Variants in DENND1B observed in about 807,000 individuals in gnomAD.
The protein encoded by DENND1B is DENN domain-containing protein 1B.
DENND1B carries 59 observed loss-of-function variants against 90.1 expected under a neutral mutation model. The ratio of observed to expected loss-of-function variants is 0.65; its 90% confidence interval spans 0.53 to 0.81. DENND1B has a LOEUF of 0.81. DENND1B is among the 40% of genes least tolerant of loss of function. DENND1B has a pLI of 0.00. For missense variants in DENND1B, 862 were observed against 912.6 expected (o/e 0.94, Z 0.71); for synonymous variants, 337 against 324.6 (o/e 1.04, Z -0.41).
intron 3 of DENND1B, among the ~76,000 whole-genome samples, chr1:197,678,606 T>C (rs1656328663): frequency 6.6e-6 from 1 of 152,174 alleles, no homozygotes; most frequent in South Asian, 2.1e-4. Flanking sequence ...CAGCAAACTC[T>C]CAGGGACACC....
At chr1:197,735,105 G>C in intron 2 of DENND1B, 1 of 968,242 alleles carries the variant, frequency 1.0e-6, no homozygotes, top group Non-Finnish European at 1.2e-6. Context: ...GCAATTTTAA[G>C]AAAATAGATT....
At position 197,512,904 on chromosome 1, in the gene DENND1B, T is replaced by C. The variant is rs747812343; in HGVS notation, c.1565A>G (p.Asp522Gly). 1.9e-6 allele frequency: 3 copies of C among 1,610,754 alleles called. No individual in the cohort carries two copies. Among genetic ancestry groups the C allele is most frequent in the South Asian group, 1.1e-5 (1 of 90,920 alleles). The stretch of plus-strand genomic sequence containing the variant: ...TCTTTCAATGTCATCATCATCTTCA[T>C]CATCATATAGAGCACCATCAAGGCT... ...LKSLDGALYD[D>G]EDDDDIERAS... The change falls in exon 21 of 23, where the codon GAT (aspartate) becomes GGT (glycine). Residue 522 changes from aspartate to glycine, a missense_variant. Transcript: ENST00000620048.
chr1:197,664,077 G>A (rs540172857), intron 5 of DENND1B, among the ~76,000 whole-genome samples: 1 of 151,832 alleles, frequency 6.6e-6, no homozygotes, highest in Non-Finnish European at 1.5e-5. Context: ...TATGTTGCTA[G>A]AGTAAGAAAT....
chr1:197,717,290 A>G (rs1277073534), intron 2 of DENND1B, among the ~76,000 whole-genome samples: 1 of 151,958 alleles, frequency 6.6e-6, no homozygotes, highest in Non-Finnish European at 1.5e-5. Context: ...ATTACTTTCC[A>G]GATACTCAAT....
At chr1:197,617,902 T>C (rs1677805321) in intron 10 of DENND1B, 143 bp from the exon 11 acceptor site, 4 of 631,480 alleles carry the variant, frequency 6.3e-6, no homozygotes, top group South Asian at 1.7e-5. Flanking sequence ...CACTTCTACA[T>C]GTAAAAAGTC....
intron 3 of DENND1B, among the ~76,000 whole-genome samples, chr1:197,682,609 A>G (rs997957882): frequency 2.0e-5 from 3 of 152,186 alleles, no homozygotes; most frequent in Admixed American, 6.6e-5. Context: ...AGACATATAA[A>G]TCAATGTGTG....
intron 11 of DENND1B, among the ~76,000 whole-genome samples, chr1:197,616,886 A>C (rs938942540): frequency 1.3e-5 from 2 of 151,078 alleles, no homozygotes; most frequent in Non-Finnish European, 3.0e-5. Flanking sequence ...TACCTGCAGA[A>C]GATGATTATG....
intron 2 of DENND1B, among the ~76,000 whole-genome samples, chr1:197,758,945 T>C (rs1571645402): frequency 6.8e-6 from 1 of 147,486 alleles, no homozygotes; most frequent in South Asian, 2.1e-4. Flanking sequence ...TCCCAAAGAA[T>C]AGAGTACTTC....
At chr1:197,606,974 C>G in intron 13 of DENND1B, 99 bp downstream of exon 13, 1 of 826,654 alleles carries the variant, frequency 1.2e-6, no homozygotes, top group East Asian at 2.7e-5. Context: ...AATACCCAAC[C>G]CTTTTATTTC....
At chr1:197,529,238 A>ATG (rs1558205798) in intron 20 of DENND1B, among the ~76,000 whole-genome samples, 6 of 8,878 alleles carry the variant, frequency 6.8e-4, no homozygotes, top group African/African-American at 1.4e-3. Flanking sequence ...ATATATATAT[A>ATG]TATATGTGTG....
At chr1:197,634,097 T>A (rs980176570) in intron 10 of DENND1B, among the ~76,000 whole-genome samples, 1 of 152,148 alleles carries the variant, frequency 6.6e-6, no homozygotes, top group African/African-American at 2.4e-5. Context: ...AGCTGTGCCC[T>A]CTCCATTGGA....
At chr1:197,643,864 A>G (rs1747826) in intron 9 of DENND1B, among the ~76,000 whole-genome samples, 24,360 of 152,188 alleles carry the variant, frequency 0.16, 2,247 homozygotes, top group Non-Finnish European at 0.2. Flanking sequence ...CTATAATGAA[A>G]CAAATACATC....
chr1:197,512,791 T>G, intron 21 of DENND1B, 80 bp downstream of exon 21: 1 of 1,315,246 alleles, frequency 7.6e-7, no homozygotes, highest in Non-Finnish European at 1.1e-6. Flanking sequence ...GAGTGCATAC[T>G]CTTTGAAATA....
chr1:197,705,555 G>A (rs1185631172), intron 3 of DENND1B, among the ~76,000 whole-genome samples: 1 of 151,154 alleles, frequency 6.6e-6, no homozygotes, highest in Non-Finnish European at 1.5e-5. Flanking sequence ...GACCTGACAA[G>A]TACATTATCA....
chr1:197,652,309 C>T lies in DENND1B; in HGVS notation c.373G>A (p.Asp125Asn), dbSNP rs754601251. Residue 125 changes from aspartate to asparagine, a missense_variant, in exon 7 of 23, where the codon GAT becomes AAT. Transcript: ENST00000620048. Reference sequence around the variant, plus strand: ...AGTGATCTGAGAGTTTCATTCAAATCATTTTCCTAGGGCAAAAGAAAAAGT... The same window carrying T: ...AGTGATCTGAGAGTTTCATTCAAATTATTTTCCTAGGGCAAAAGAAAAAGT... ...ADYLAKELEN[D>N]LNETLRSLYN... The T allele has an allele frequency of 6.2e-7, 1 of 1,609,350 alleles. No homozygotes were observed. The highest frequency in any genetic ancestry group is 8.5e-7 in the Non-Finnish European group (1 of 1,178,410).
rs1659515684 is a variant in DENND1B at position 197,706,177 on chromosome 1, T to C, written c.126+8854A>G. Among the ~76,000 whole-genome samples the C allele has an allele frequency of 2.0e-5, 3 of 152,224 alleles. No homozygotes were observed. In the South Asian group the frequency reaches 6.2e-4, roughly 32 times the overall value. On this transcript the variant is annotated intron_variant, in intron 3 of 22. Transcript: ENST00000620048. ...CTTAAATTATAGCTAAGTTTGTGTA[T>C]TCTGAATTTAACAGTGACAAGACTG...
chr1:197,509,783 C>T lies in DENND1B; in HGVS notation c.*677G>A, dbSNP rs2125588460. On this transcript the variant is annotated 3_prime_UTR_variant, in exon 23 of 23. Coordinates refer to ENST00000620048, the MANE Select transcript of DENND1B (RefSeq NM_001195215.2). ...ACTTCACATTGTAATTCAGCACTTC[C>T]TATATTTCACTGAATGAAAGGTAAG... 6.6e-6 allele frequency: 1 copy of T among 152,102 alleles called. No individual in the cohort carries two copies. Among genetic ancestry groups the T allele is most frequent in the East Asian group, 2.0e-4 (1 of 5,124 alleles). 9.4% of individuals were successfully genotyped at this position (152,102 alleles called of 1,614,324 possible).
chr1:197,735,304 A>C, intron 2 of DENND1B: 1 of 1,232,524 alleles, frequency 8.1e-7, no homozygotes, highest in East Asian at 4.5e-5. Context: ...ATTCTACTAT[A>C]CCTCTGCTTC....
chr1:197,515,893 C>T (rs541337699), intron 20 of DENND1B, among the ~76,000 whole-genome samples: 1 of 151,914 alleles, frequency 6.6e-6, no homozygotes, highest in African/African-American at 2.4e-5. Context: ...TGTTGCAAGT[C>T]CCTTGTTCAT....
Sources: allele counts gnomAD v4.1 joint callset (sites outside exome capture counted in the v4.1 genomes callset), GRCh38; gene constraint gnomAD v4.1.1; transcripts MANE v1.5; gene names NCBI Gene and HGNC (gene_info 2026-07-23, HGNC 2026-07-21).